The following VTI1A variants were observed in gnomAD, a reference collection of about 807,000 sequenced individuals.
VTI1A encodes vesicle transport through interaction with t-SNAREs 1A, also known as vesicle transport through interaction with t-SNAREs homolog 1A.
Under a neutral mutation model 34.9 loss-of-function variants are expected in VTI1A, and 22 were observed. That is an observed-to-expected ratio of 0.63 (90% CI 0.45 to 0.90). The LOEUF (loss-of-function observed/expected upper bound fraction) is 0.90. VTI1A is among the 40% of genes least tolerant of loss of function. The pLI is 0.00. For missense variants in VTI1A, 268 were observed against 275.6 expected (o/e 0.97, Z 0.20); for synonymous variants, 87 against 97.3 (o/e 0.89, Z 0.62).
At chr10:112,647,567 T>C (rs112353130) in intron 5 of VTI1A, among the ~76,000 whole-genome samples, 1 of 152,158 alleles carries the variant, frequency 6.6e-6, no homozygotes, top group African/African-American at 2.4e-5. Context: ...GTTTAACACA[T>C]AAGGACATCA....
chr10:112,673,315 C>CAAAA (rs745306451), intron 7 of VTI1A, among the ~76,000 whole-genome samples: 1 of 68,912 alleles, frequency 1.5e-5, no homozygotes, highest in Non-Finnish European at 3.0e-5. Flanking sequence ...GACTCCATCT[C>CAAAA]AAAAAAAAAA....
chr10:112,799,667 C>T (rs1387221298), intron 7 of VTI1A, among the ~76,000 whole-genome samples: 7 of 152,094 alleles, frequency 4.6e-5, no homozygotes, highest in Non-Finnish European at 7.4e-5. Flanking sequence ...GTTATCTGAT[C>T]GTTACCCCAC....
intron 5 of VTI1A, among the ~76,000 whole-genome samples, chr10:112,667,411 A>G (rs1847682633): frequency 6.6e-6 from 1 of 152,160 alleles, no homozygotes; most frequent in South Asian, 2.1e-4. Context: ...GTCAAGCCAT[A>G]CCTACTGTCT....
chr10:112,454,098 C>T (rs1251647031), intron 1 of VTI1A, among the ~76,000 whole-genome samples: 1 of 152,166 alleles, frequency 6.6e-6, no homozygotes, highest in Non-Finnish European at 1.5e-5. Context: ...GTAATATACC[C>T]ATTTAAAAAT....
intron 7 of VTI1A, among the ~76,000 whole-genome samples, chr10:112,794,110 G>A (rs1461456525): frequency 1.3e-5 from 2 of 152,108 alleles, no homozygotes; most frequent in Non-Finnish European, 2.9e-5. Context: ...GGAAAAAGGT[G>A]ATGTTTTTGT....
intron 5 of VTI1A, among the ~76,000 whole-genome samples, chr10:112,603,799 C>T (rs1390745550): frequency 6.6e-6 from 1 of 152,174 alleles, no homozygotes; most frequent in Non-Finnish European, 1.5e-5. Flanking sequence ...TCCCCCACCC[C>T]ACCCAAGCGT....
intron 7 of VTI1A, among the ~76,000 whole-genome samples, chr10:112,782,934 A>G (rs1852177599): frequency 2.0e-5 from 3 of 152,184 alleles, no homozygotes; most frequent in Admixed American, 2.0e-4. Context: ...GGAACTGGTA[A>G]GAGCCTCATA....
At chr10:112,447,600 A>C in intron 1 of VTI1A, 133 bp downstream of exon 1, 1 of 1,047,992 alleles carries the variant, frequency 9.5e-7, no homozygotes, top group Non-Finnish European at 1.4e-6. Flanking sequence ...CCCAGGAGGG[A>C]TACGGCTTGG....
intron 3 of VTI1A, among the ~76,000 whole-genome samples, chr10:112,480,869 G>T (rs1476252845): frequency 3.9e-5 from 6 of 152,126 alleles, no homozygotes; most frequent in Admixed American, 3.3e-4. Flanking sequence ...ATTGGCATGG[G>T]GTGCAACTTG....
chr10:112,841,560 C>G, the VTI1A span, among the ~76,000 whole-genome samples: 1 of 152,128 alleles, frequency 6.6e-6, no homozygotes, highest in Non-Finnish European at 1.5e-5. Context: ...TGGCCAACAT[C>G]AGAGCCCACT....
rs115155376 is a variant in VTI1A, at chr10:112,515,101, G to C, written c.265-11986G>C. ...TGTTTAGAAAATTACATGGGTTCAAGTGAAGTTTTTGACCCTTACTTATTT... is the reference window on the plus strand; with the variant it reads ...TGTTTAGAAAATTACATGGGTTCAACTGAAGTTTTTGACCCTTACTTATTT... On this transcript the variant is annotated intron_variant, in intron 3 of 7. Coordinates refer to ENST00000393077, the MANE Select transcript of VTI1A (RefSeq NM_145206.4). Among the ~76,000 whole-genome samples, 19 of 152,174 alleles carry C rather than the reference G, an allele frequency of 1.2e-4. No individual in the cohort carries two copies. The East Asian group carries it at 3.7e-3, about 29-fold the overall frequency.
intron 7 of VTI1A, among the ~76,000 whole-genome samples, chr10:112,814,931 G>C (rs1008533500): frequency 3.3e-5 from 5 of 151,886 alleles, no homozygotes; most frequent in African/African-American, 1.2e-4. Context: ...GGCTTGTCTC[G>C]CCTTTTAAAT....
At chr10:112,705,297 C>T (rs1849156924) in intron 7 of VTI1A, among the ~76,000 whole-genome samples, 1 of 152,094 alleles carries the variant, frequency 6.6e-6, no homozygotes, top group African/African-American at 2.4e-5. Context: ...GCTAGAATAG[C>T]TTACAGACTC....
intron 7 of VTI1A, among the ~76,000 whole-genome samples, chr10:112,725,307 A>T (rs1849979773): frequency 6.6e-6 from 1 of 152,190 alleles, no homozygotes; most frequent in South Asian, 2.1e-4. Context: ...CATTTTATGT[A>T]TTTGAATATT....
chr10:112,665,033 TA>T (rs1847592559), intron 5 of VTI1A, among the ~76,000 whole-genome samples: 1 of 152,216 alleles, frequency 6.6e-6, no homozygotes, highest in Admixed American at 6.5e-5. Flanking sequence ...GTTCCATTCT[TA>T]AGGCCCTATG....
chr10:112,760,329 T>C (rs1380786444), intron 7 of VTI1A, among the ~76,000 whole-genome samples: 1 of 152,096 alleles, frequency 6.6e-6, no homozygotes, highest in Non-Finnish European at 1.5e-5. Flanking sequence ...AAGAGTAAAA[T>C]AGAACAATTG....
intron 3 of VTI1A, among the ~76,000 whole-genome samples, chr10:112,474,396 A>G (rs1328442432): frequency 6.7e-6 from 1 of 149,348 alleles, no homozygotes; most frequent in Admixed American, 6.6e-5. Context: ...TTTATATATT[A>G]TGTGCATGTG....
chr10:112,714,289 C>T (rs187799951), intron 7 of VTI1A, among the ~76,000 whole-genome samples: 81 of 152,312 alleles, frequency 5.3e-4, no homozygotes, highest in African/African-American at 1.9e-3. Flanking sequence ...TCCGTTGGAT[C>T]TCAGATAAGC....
intron 5 of VTI1A, among the ~76,000 whole-genome samples, chr10:112,660,287 G>T (rs1417607986): frequency 6.6e-6 from 1 of 152,114 alleles, no homozygotes; most frequent in East Asian, 1.9e-4. Context: ...TTCTAGTAGA[G>T]AGGGGTTTCA....
Sources: gnomAD v4.1 joint callset for allele counts (sites outside exome capture counted in the v4.1 genomes callset) on GRCh38, gnomAD v4.1.1 for gene constraint, MANE v1.5 for transcripts, NCBI Gene and HGNC (gene_info 2026-07-23, HGNC 2026-07-21) for gene names.